The following MCF2L2 variants were observed in gnomAD, a reference collection of about 807,000 sequenced individuals.
MCF2L2 encodes MCF.2 cell line derived transforming sequence-like 2.
Under a neutral mutation model 150.2 loss-of-function variants are expected in MCF2L2, and 102 were observed. The ratio of observed to expected loss-of-function variants is 0.68; its 90% confidence interval spans 0.58 to 0.80. The LOEUF is 0.80. MCF2L2 is among the 30% of genes least tolerant of loss of function. The pLI is 0.00. For synonymous variants in MCF2L2, 465 were observed against 491.3 expected (o/e 0.95, Z 0.71); for missense variants, 1,256 against 1,372.8 (o/e 0.91, Z 1.34).
intron 11 of MCF2L2, chr3:183,298,765 G>GCGCGTGCGCACACACACACACACA: frequency 7.2e-6 from 1 of 138,500 alleles, no homozygotes; most frequent in African/African-American, 2.9e-5. Context: ...AAACACACAT[G>GCGCGTGCGCACACACACACACACA]CACACACACA....
chr3:183,187,472 A>G (rs116444732), intron 27 of MCF2L2, among the ~76,000 whole-genome samples: 2 of 151,862 alleles, frequency 1.3e-5, no homozygotes, highest in African/African-American at 4.8e-5. Flanking sequence ...TTATTATTTT[A>G]TTATTTTTTT....
At chr3:183,390,983 T>TA (rs774712953) in intron 1 of MCF2L2, among the ~76,000 whole-genome samples, 11 of 152,214 alleles carry the variant, frequency 7.2e-5, no homozygotes, top group Non-Finnish European at 1.3e-4. Context: ...CTAGTTAGAT[T>TA]AAGGCATGAA....
intron 1 of MCF2L2, among the ~76,000 whole-genome samples, chr3:183,424,979 G>A (rs979877403): frequency 2.6e-5 from 4 of 152,166 alleles, no homozygotes; most frequent in African/African-American, 4.8e-5. Context: ...TGAAGAGCTT[G>A]TATCTTAGGC....
At chr3:183,394,624 A>G (rs1714339868) in intron 1 of MCF2L2, among the ~76,000 whole-genome samples, 1 of 152,252 alleles carries the variant, frequency 6.6e-6, no homozygotes, top group Non-Finnish European at 1.5e-5. Context: ...GCCCCATAAC[A>G]GTGACTTTTA....
intron 1 of MCF2L2, among the ~76,000 whole-genome samples, chr3:183,399,783 G>A (rs991111925): frequency 2.6e-5 from 4 of 152,090 alleles, no homozygotes; most frequent in East Asian, 1.9e-4. Context: ...ATCCTGAGAC[G>A]GAATGTAGAG....
intron 15 of MCF2L2, among the ~76,000 whole-genome samples, chr3:183,248,088 T>C (rs1293888804): frequency 1.3e-5 from 2 of 152,246 alleles, no homozygotes; most frequent in African/African-American, 4.8e-5. Context: ...TACCAGCAGA[T>C]ATTCTATTAT....
Position 183,205,863 on chromosome 3 carries a change from A to C in MCF2L2, c.2884+13T>G. On this transcript the variant is annotated intron_variant, in intron 25 of 29. Transcript: ENST00000328913. ...TATAACTCGACAGACGAAAGTCAGC[A>C]GGGGTAACCTACCTTTGATATTATT... 1 of 1,605,380 alleles carries C rather than the reference A, an allele frequency of 6.2e-7. No individual in the cohort carries two copies. The highest frequency in any genetic ancestry group is 8.5e-7 in the Non-Finnish European group (1 of 1,172,250).
chr3:183,425,068 A>T (rs1184735970), intron 1 of MCF2L2, among the ~76,000 whole-genome samples: 1 of 150,984 alleles, frequency 6.6e-6, no homozygotes, highest in East Asian at 1.9e-4. Flanking sequence ...CGTAGTATAC[A>T]TCAGAGGCAG....
chr3:183,365,128 TAAC>T (rs893716943), intron 3 of MCF2L2, among the ~76,000 whole-genome samples: 11 of 152,170 alleles, frequency 7.2e-5, no homozygotes, highest in African/African-American at 2.4e-4. Context: ...ATCAAAAACT[TAAC>T]AATAAAAGTA....
chr3:183,278,576 G>A (rs150522098), intron 14 of MCF2L2, among the ~76,000 whole-genome samples: 95 of 152,218 alleles, frequency 6.2e-4, no homozygotes, highest in African/African-American at 2.2e-3. Flanking sequence ...TTCCCCACTG[G>A]ACTTTGAACT....
chr3:183,297,628 TTTCCTTCCTTCCTCCC>T (rs1553776736), intron 11 of MCF2L2: 1 of 93,298 alleles, frequency 1.1e-5, no homozygotes. Flanking sequence ...CAGGCTAATT[TTTCCTTCCTTCCTCCC>T]TTCCTTCCTT....
chr3:183,315,440 C>T (rs1479168389), intron 7 of MCF2L2, among the ~76,000 whole-genome samples: 1 of 152,176 alleles, frequency 6.6e-6, no homozygotes, highest in Non-Finnish European at 1.5e-5. Context: ...ATTTCTTTTA[C>T]TAAAAGGCCA....
chr3:183,414,300 T>C lies in MCF2L2; in HGVS notation c.76+13602A>G, dbSNP rs1416386976. Among the ~76,000 whole-genome samples the C allele has an allele frequency of 1.3e-5, 2 of 152,200 alleles. 1 individual carries two copies. Among genetic ancestry groups the C allele is most frequent in the Non-Finnish European group, 2.9e-5 (2 of 68,042 alleles). ...TTCATATTTTCTATTTCTTGAGTCA[T>C]TTTTGGTAGTTTGTATAGTTTTAGG... On this transcript the variant is annotated intron_variant, in intron 1 of 29. Transcript: ENST00000328913.
chr3:183,353,548 T>C (rs936540552), intron 3 of MCF2L2, among the ~76,000 whole-genome samples: 2 of 151,998 alleles, frequency 1.3e-5, no homozygotes, highest in African/African-American at 2.4e-5. Flanking sequence ...ACAATCACAG[T>C]GGAAGGCAAA....
At chr3:183,215,066 T>C (rs1373350942) in intron 22 of MCF2L2, among the ~76,000 whole-genome samples, 2 of 152,096 alleles carry the variant, frequency 1.3e-5, no homozygotes. Context: ...CCTCTGCTCA[T>C]AGAAGCCATG....
Position 183,341,642 on chromosome 3 carries a change from G to C in MCF2L2, c.276-12C>G, listed in dbSNP as rs754496832. 6 of 1,587,648 alleles carry C rather than the reference G, an allele frequency of 3.8e-6. No individual in the cohort carries two copies. Among genetic ancestry groups the C allele is most frequent in the South Asian group, 1.1e-5 (1 of 90,520 alleles). ...TGGCAGCCTCCACACTGCAAAGAAGGGTGGTCAGTGTCAGAGATTAGGTGA... is the reference window on the plus strand; with the variant it reads ...TGGCAGCCTCCACACTGCAAAGAAGCGTGGTCAGTGTCAGAGATTAGGTGA... On this transcript the variant is annotated splice_polypyrimidine_tract_variant and intron_variant, in intron 3 of 29. Coordinates refer to ENST00000328913, the MANE Select transcript of MCF2L2 (RefSeq NM_015078.4).
chr3:183,257,306 T>C (rs1232595570), intron 15 of MCF2L2, among the ~76,000 whole-genome samples: 1 of 152,244 alleles, frequency 6.6e-6, no homozygotes, highest in Non-Finnish European at 1.5e-5. Flanking sequence ...TCGGCTTTTT[T>C]ACTCTCTTTC....
chr3:183,268,370 C>G (rs1036706491), intron 15 of MCF2L2, among the ~76,000 whole-genome samples: 1 of 152,070 alleles, frequency 6.6e-6, no homozygotes, highest in African/African-American at 2.4e-5. Flanking sequence ...AAAGGTCACG[C>G]TGACTGTAAA....
intron 3 of MCF2L2, among the ~76,000 whole-genome samples, chr3:183,355,129 C>G (rs1238121219): frequency 6.6e-6 from 1 of 150,918 alleles, no homozygotes; most frequent in Non-Finnish European, 1.5e-5. Flanking sequence ...GATCCCATCC[C>G]CTCCACACAC....
Sources: allele counts gnomAD v4.1 joint callset (sites outside exome capture counted in the v4.1 genomes callset), GRCh38; gene constraint gnomAD v4.1.1; transcripts MANE v1.5; gene names NCBI Gene and HGNC (gene_info 2026-07-23, HGNC 2026-07-21).